Variants in C8orf34 observed in about 807,000 individuals in gnomAD.
C8orf34 encodes the protein chromosome 8 open reading frame 34, also known as uncharacterized protein C8orf34.
Under a neutral mutation model 68.3 loss-of-function variants are expected in C8orf34, and 65 were observed. That is an observed-to-expected ratio of 0.95 (90% CI 0.78 to 1.17). The LOEUF is 1.17. C8orf34 is among the 50% of genes most tolerant of loss of function. C8orf34 has a pLI of 0.00. For synonymous variants in C8orf34, 244 were observed against 241.2 expected (o/e 1.01, Z -0.11); for missense variants, 664 against 655.4 (o/e 1.01, Z -0.14).
At chr8:68,585,317 G>A (rs948875173) in intron 7 of C8orf34, among the ~76,000 whole-genome samples, 3 of 151,874 alleles carry the variant, frequency 2.0e-5, no homozygotes. Context: ...CCAAAAAAAA[G>A]CTTTGAAAGG....
chr8:68,330,790 C>T (rs1585921836), upstream of C8orf34: 10 of 445,202 alleles, frequency 2.2e-5, no homozygotes, highest in East Asian at 3.7e-4. Flanking sequence ...GTCGCGCGCG[C>T]ACGGACACAC....
At chr8:68,621,535 T>A (rs1188040038) in intron 7 of C8orf34, among the ~76,000 whole-genome samples, 1 of 152,236 alleles carries the variant, frequency 6.6e-6, no homozygotes, top group African/African-American at 2.4e-5. Context: ...TAAAATATTC[T>A]ACGGTCAACT....
chr8:68,603,092 G>A (rs181086304), intron 7 of C8orf34, among the ~76,000 whole-genome samples: 29 of 152,076 alleles, frequency 1.9e-4, no homozygotes, highest in Admixed American at 9.2e-4. Context: ...ATTCTCTTCT[G>A]TTCATCTTTC....
chr8:68,590,925 G>C (rs772713134), intron 7 of C8orf34, among the ~76,000 whole-genome samples: 30 of 152,130 alleles, frequency 2.0e-4, no homozygotes, highest in Non-Finnish European at 2.9e-4. Context: ...TATCGTGGGG[G>C]AGCTCTCCTT....
chr8:68,403,683 C>A (rs1273724492), intron 1 of C8orf34, among the ~76,000 whole-genome samples: 1 of 152,098 alleles, frequency 6.6e-6, no homozygotes, highest in Non-Finnish European at 1.5e-5. Flanking sequence ...TGGTTTCCAG[C>A]TTCATCCATA....
intron 12 of C8orf34, among the ~76,000 whole-genome samples, chr8:68,802,166 T>A (rs1824347962): frequency 6.6e-6 from 1 of 152,102 alleles, no homozygotes; most frequent in South Asian, 2.1e-4. Context: ...AATGGTGCAA[T>A]CTTGGCATAC....
At chr8:68,745,722 C>T (rs1289319432) in intron 10 of C8orf34, among the ~76,000 whole-genome samples, 2 of 152,080 alleles carry the variant, frequency 1.3e-5, no homozygotes, top group Non-Finnish European at 2.9e-5. Context: ...CAGGAGCACC[C>T]AGATTCATAA....
chr8:68,488,089 G>T, intron 5 of C8orf34, 38 bp downstream of exon 5: 1 of 1,446,434 alleles, frequency 6.9e-7, no homozygotes, highest in South Asian at 1.3e-5. Context: ...AGAAAATGTA[G>T]AACTTACCTT....
At chr8:68,752,971 G>T (rs766427778) in intron 10 of C8orf34, among the ~76,000 whole-genome samples, 7 of 152,126 alleles carry the variant, frequency 4.6e-5, no homozygotes, top group African/African-American at 7.2e-5. Flanking sequence ...TTTGTAGGTA[G>T]GTCTTTTTGA....
intron 7 of C8orf34, among the ~76,000 whole-genome samples, chr8:68,637,812 C>T (rs913408399): frequency 6.6e-6 from 1 of 151,932 alleles, no homozygotes; most frequent in Admixed American, 6.6e-5. Context: ...GCTTTAATTC[C>T]CTGTGGTCTC....
intron 7 of C8orf34, among the ~76,000 whole-genome samples, chr8:68,617,487 C>CA (rs906470843): frequency 3.3e-4 from 50 of 152,184 alleles, no homozygotes; most frequent in Admixed American, 1.8e-3. Context: ...CTTGTGGTGA[C>CA]AAAATCTCTC....
chr8:68,788,117 T>C (rs955661241), intron 12 of C8orf34, among the ~76,000 whole-genome samples: 16 of 152,192 alleles, frequency 1.1e-4, no homozygotes, highest in African/African-American at 3.6e-4. Context: ...GTAAGACATA[T>C]GGGCCCAGAA....
intron 10 of C8orf34, among the ~76,000 whole-genome samples, chr8:68,756,004 T>C (rs2129527800): frequency 6.6e-6 from 1 of 151,902 alleles, no homozygotes; most frequent in South Asian, 2.1e-4. Flanking sequence ...GAGGCGGAGC[T>C]TGCAGTGAGC....
At chr8:68,754,166 A>G (rs1365131890) in intron 10 of C8orf34, among the ~76,000 whole-genome samples, 1 of 152,264 alleles carries the variant, frequency 6.6e-6, no homozygotes, top group Non-Finnish European at 1.5e-5. Flanking sequence ...TAAAAAATGC[A>G]GAGCTACATG....
Position 68,818,548 on chromosome 8 carries a change from C to A in C8orf34, c.*302C>A. ...TTAATATTTGATATATTAAATATTG[C>A]CTGATTCAAATAACTTTGCTTAAAA... On this transcript the variant is annotated 3_prime_UTR_variant, in exon 14 of 14. Transcript: ENST00000518698. 1 of 273,014 alleles carries A rather than the reference C, an allele frequency of 3.7e-6. No homozygotes were observed. The highest frequency in any genetic ancestry group is 6.7e-6 in the Non-Finnish European group (1 of 148,358). 16.9% of individuals were successfully genotyped at this position (273,014 alleles called of 1,614,324 possible). A position where few individuals can be genotyped will look rare whatever the true frequency, so the allele number is the denominator to read the frequency against.
chr8:68,592,769 C>T (rs918351911), intron 7 of C8orf34, among the ~76,000 whole-genome samples: 9 of 151,516 alleles, frequency 5.9e-5, no homozygotes, highest in African/African-American at 1.9e-4. Flanking sequence ...CCACCACACC[C>T]GGCTAAATTT....
chr8:68,705,479 G>A (rs143515612), intron 8 of C8orf34, among the ~76,000 whole-genome samples: 1 of 152,238 alleles, frequency 6.6e-6, no homozygotes, highest in Non-Finnish European at 1.5e-5. Context: ...TTAACGCAAG[G>A]TCAAATAAAG....
intron 12 of C8orf34, among the ~76,000 whole-genome samples, chr8:68,809,161 T>C (rs1255037312): frequency 6.6e-6 from 1 of 152,194 alleles, no homozygotes; most frequent in Admixed American, 6.5e-5. Flanking sequence ...AATTGTCAGA[T>C]TTTAACTATA....
intron 9 of C8orf34, among the ~76,000 whole-genome samples, chr8:68,715,234 C>G (rs1821437416): frequency 6.6e-6 from 1 of 151,998 alleles, no homozygotes; most frequent in Non-Finnish European, 1.5e-5. Context: ...TGACCAAGAA[C>G]CCAAAAGCAA....
Sources: gnomAD v4.1 joint callset for allele counts (sites outside exome capture counted in the v4.1 genomes callset) on GRCh38, gnomAD v4.1.1 for gene constraint, MANE v1.5 for transcripts, NCBI Gene and HGNC (gene_info 2026-07-23, HGNC 2026-07-21) for gene names.